SYNRG: variants seen among roughly 807,000 people sequenced by gnomAD.
The protein encoded by SYNRG is synergin gamma, also known as AP1 gamma subunit binding protein 1.
SYNRG carries 37 observed loss-of-function variants against 130.9 expected under a neutral mutation model. That is an observed-to-expected ratio of 0.28 (90% CI 0.22 to 0.37). The LOEUF is 0.37. Among genes scored for constraint, SYNRG ranks in the 10% least tolerant of loss-of-function variants. The pLI is 1.00. For missense variants in SYNRG, 1,338 were observed against 1,588.9 expected, an observed-to-expected ratio of 0.84 and a Z score of 2.68; for synonymous variants, 539 against 568.1, an observed-to-expected ratio of 0.95 and a Z score of 0.73.
At chr17:37,534,334 TA>T (rs1191649883) in intron 19 of SYNRG, among the ~76,000 whole-genome samples, 2 of 152,102 alleles carry the variant, frequency 1.3e-5, no homozygotes, top group Non-Finnish European at 2.9e-5. Context: ...GAATTTAGAT[TA>T]AAAAATATTT....
At position 37,606,228 on chromosome 17, in the gene SYNRG, T is replaced by C. The variant is rs907026803; in HGVS notation, c.77+3051A>G. On this transcript the variant is annotated intron_variant, in intron 1 of 21. Coordinates refer to ENST00000612223, the MANE Select transcript of SYNRG (RefSeq NM_007247.6). ...CGTTTCCTTAGTGTTGACTAGGCCT[T>C]CCCATCTCTGTGACGATCTCTTGAC... is the stretch of plus-strand genomic sequence containing the variant. Among the ~76,000 whole-genome samples the C allele has an allele frequency of 3.9e-5, 6 of 152,200 alleles. 1 individual carries two copies. In the East Asian group the frequency reaches 5.8e-4, roughly 15 times the overall value.
chr17:37,577,663 T>C, intron 6 of SYNRG, 50 bp from the exon 7 acceptor site: 1 of 1,362,076 alleles, frequency 7.3e-7, no homozygotes, highest in Non-Finnish European at 1.0e-6. Flanking sequence ...ATATGTCTAA[T>C]CTTTTTAACC....
chr17:37,544,306 T>G (rs1488891358), intron 14 of SYNRG, among the ~76,000 whole-genome samples: 6 of 147,912 alleles, frequency 4.1e-5, no homozygotes, highest in Admixed American at 3.4e-4. Context: ...GGTGAAAAGT[T>G]TTTTTTTTTT....
chr17:37,564,643 T>C (rs953374502), intron 11 of SYNRG, among the ~76,000 whole-genome samples: 13 of 152,246 alleles, frequency 8.5e-5, no homozygotes, highest in Non-Finnish European at 1.3e-4. Flanking sequence ...CTCTAACAAG[T>C]AATGCCCATT....
intron 3 of SYNRG, among the ~76,000 whole-genome samples, chr17:37,591,064 C>T (rs926918812): frequency 6.6e-6 from 1 of 151,960 alleles, no homozygotes; most frequent in African/African-American, 2.4e-5. Context: ...CATGACTACC[C>T]ATATTAAAAA....
At chr17:37,584,583 A>G (rs763711826) in intron 6 of SYNRG, 65 bp downstream of exon 6, 149 of 1,296,106 alleles carry the variant, frequency 1.1e-4, no homozygotes, top group Non-Finnish European at 1.6e-4. Context: ...ATGGCGAGGT[A>G]AAGAAACAGG....
chr17:37,604,454 C>A (rs1360220413), intron 1 of SYNRG, among the ~76,000 whole-genome samples: 3 of 152,176 alleles, frequency 2.0e-5, no homozygotes, highest in Admixed American at 6.5e-5. Context: ...ATTTCTCAGC[C>A]TTCAGCCTTT....
chr17:37,538,496 C>A (rs1331985090), intron 17 of SYNRG, 76 bp from the exon 18 acceptor site: 2 of 1,082,870 alleles, frequency 1.8e-6, no homozygotes, highest in African/African-American at 1.6e-5. Flanking sequence ...TAGTAGAAAA[C>A]CCAACCGAAA....
chr17:37,566,714 C>T (rs967048831), intron 11 of SYNRG: 1 of 152,106 alleles, frequency 6.6e-6, no homozygotes, highest in East Asian at 1.9e-4. Flanking sequence ...TTGCTAATAT[C>T]CCATATATCT....
intron 11 of SYNRG, among the ~76,000 whole-genome samples, chr17:37,564,242 T>C (rs2059752903): frequency 6.6e-6 from 1 of 152,224 alleles, no homozygotes; most frequent in African/African-American, 2.4e-5. Flanking sequence ...ATTTTCTGAA[T>C]GAATGACTGG....
chr17:37,552,926 A>G (rs527490200), intron 14 of SYNRG, among the ~76,000 whole-genome samples, 189 bp downstream of exon 14: 17 of 152,362 alleles, frequency 1.1e-4, no homozygotes, highest in African/African-American at 4.1e-4. Context: ...CACAGTAGCC[A>G]TAGTATCCAT....
At chr17:37,538,549 C>T in intron 17 of SYNRG, 129 bp from the exon 18 acceptor site, 1 of 643,196 alleles carries the variant, frequency 1.6e-6, no homozygotes, top group Non-Finnish European at 2.7e-6. Context: ...CTTGAAGAAA[C>T]AATCCTCCAT....
chr17:37,590,475 T>C (rs953796710), intron 3 of SYNRG, among the ~76,000 whole-genome samples: 2 of 152,158 alleles, frequency 1.3e-5, no homozygotes, highest in African/African-American at 4.8e-5. Flanking sequence ...GAACAACATA[T>C]ATTCACTCTA....
rs750182566 is a variant in SYNRG at position 37,539,251 on chromosome 17, A to G, written c.3367-6T>C. The G allele has an allele frequency of 9.9e-6, 16 of 1,613,846 alleles. 1 individual carries two copies. The Admixed American group carries it at 2.7e-4, about 27-fold the overall frequency. ...TATGCATATCTCTCATTTTCCTGTG[A>G]ATTTGTTAAAAAGAACTGGGTTAAA... On this transcript the variant is annotated splice_region_variant and splice_polypyrimidine_tract_variant and intron_variant, in intron 16 of 21. Coordinates refer to ENST00000612223, the MANE Select transcript of SYNRG (RefSeq NM_007247.6).
chr17:37,559,003 A>G lies in SYNRG; in HGVS notation c.1663+2192T>C, dbSNP rs575885664. 2.0e-5 allele frequency among the ~76,000 whole-genome samples: 3 copies of G among 152,256 alleles called. No homozygotes were observed. The South Asian group carries it at 6.2e-4, about 32-fold the overall frequency. On this transcript the variant is annotated intron_variant, in intron 13 of 21. Coordinates refer to ENST00000612223, the MANE Select transcript of SYNRG (RefSeq NM_007247.6). ...CAATGTTTCATTGGTTTGTTTTTAA[A>G]TTATTTTTAGCTGATGTTCATGAAG... is the stretch of plus-strand genomic sequence containing the variant.
At chr17:37,575,714 C>T (rs1029621883) in intron 8 of SYNRG, among the ~76,000 whole-genome samples, 4 of 151,578 alleles carry the variant, frequency 2.6e-5, no homozygotes, top group Non-Finnish European at 4.4e-5. Context: ...TAGTGGCATG[C>T]GCCTGTAGTC....
At chr17:37,541,184 T>G in intron 15 of SYNRG, 6 of 985,466 alleles carry the variant, frequency 6.1e-6, no homozygotes, top group Non-Finnish European at 7.2e-6. Context: ...GTGTGGCTTT[T>G]CCAGTCATTT....
chr17:37,540,281 C>T, intron 16 of SYNRG, 99 bp downstream of exon 16: 1 of 1,380,900 alleles, frequency 7.2e-7, no homozygotes, highest in South Asian at 1.3e-5. Context: ...GTCTTTCTGC[C>T]CCTCATTTTC....
intron 1 of SYNRG, chr17:37,600,703 T>A (rs2063196317): frequency 2.4e-5 from 12 of 494,490 alleles, no homozygotes; most frequent in South Asian, 2.4e-4. Context: ...GAGTTTAGAT[T>A]CAATTCAGTC....
Sources: allele counts gnomAD v4.1 joint callset (sites outside exome capture counted in the v4.1 genomes callset), GRCh38; gene constraint gnomAD v4.1.1; transcripts MANE v1.5; gene names NCBI Gene and HGNC (gene_info 2026-07-23, HGNC 2026-07-21).